Variants in MYO16 observed in about 807,000 individuals in gnomAD.
MYO16 encodes unconventional myosin-XVI.
A neutral mutation model predicts 205.3 loss-of-function variants in MYO16; 94 were observed. That is an observed-to-expected ratio of 0.46 (90% CI 0.39 to 0.54). MYO16 has a LOEUF of 0.54. MYO16 is among the 20% of genes least tolerant of loss of function. MYO16 has a pLI of 0.00. For missense variants in MYO16, 2,315 were observed against 2,387.5 expected, an observed-to-expected ratio of 0.97 and a Z score of 0.63; for synonymous variants, 988 against 954.0, an observed-to-expected ratio of 1.04 and a Z score of -0.66.
intron 2 of MYO16, among the ~76,000 whole-genome samples, chr13:108,711,073 T>G (rs7995642): frequency 0.45 from 69,139 of 151,978 alleles, 16,962 homozygotes; most frequent in Non-Finnish European, 0.56. Context: ...TCTATATATA[T>G]ATAGAGAGAA....
At chr13:108,784,946 GA>G (rs1160502338) in intron 4 of MYO16, among the ~76,000 whole-genome samples, 1 of 152,188 alleles carries the variant, frequency 6.6e-6, no homozygotes, top group Admixed American at 6.5e-5. Flanking sequence ...CCATTGTATT[GA>G]AGCTGAGAGG....
chr13:108,521,365 T>A, the MYO16 span, among the ~76,000 whole-genome samples: 1 of 152,240 alleles, frequency 6.6e-6, no homozygotes, highest in Non-Finnish European at 1.5e-5. Flanking sequence ...TATAAGATTT[T>A]ATGGTTTATT....
At chr13:108,684,794 G>A (rs1882605974) in intron 2 of MYO16, among the ~76,000 whole-genome samples, 1 of 152,168 alleles carries the variant, frequency 6.6e-6, no homozygotes, top group African/African-American at 2.4e-5. Flanking sequence ...GGTTTAGAGA[G>A]TTCCCGGATT....
the MYO16 span, among the ~76,000 whole-genome samples, chr13:108,557,654 C>T: frequency 1.3e-5 from 2 of 151,996 alleles, no homozygotes; most frequent in African/African-American, 2.4e-5. Flanking sequence ...GCATTTATTT[C>T]GTTCCTCAAC....
At position 109,141,104 on chromosome 13, in the gene MYO16, C is replaced by A. The variant is rs778460579; in HGVS notation, c.4892C>A (p.Pro1631Gln). ...PAPVNAGKAG[P>Q]SAEAPKVHPK... ...CCGGTGAACGCGGGGAAAGCGGGGC[C>A]GAGCGCAGAGGCGCCCAAGGTTCAC... is the stretch of plus-strand genomic sequence containing the variant. The change falls in exon 32 of 35, where the codon CCG (proline) becomes CAG (glutamine). Residue 1631 changes from proline to glutamine, a missense_variant. Physicochemically the swap from Pro to Gln is moderately conservative, Grantham distance 76. Around this residue, in one of 3 missense-constraint regions of MYO16, gnomAD observed 1,097 missense variants for 1,092.0 expected, o/e 1.00. Coordinates refer to ENST00000457511, the MANE Select transcript of MYO16 (RefSeq NM_001198950.3). This position sits in a 1 kb window ranked among gnomAD's most constrained non-coding sequence, Gnocchi z 4.1. 6.6e-7 allele frequency: 1 copy of A among 1,526,144 alleles called. No individual in the cohort carries two copies. Among genetic ancestry groups the A allele is most frequent in the Non-Finnish European group, 8.8e-7 (1 of 1,140,370 alleles). 94.5% of individuals were successfully genotyped at this position (1,526,144 alleles called of 1,614,324 possible).
chr13:108,790,126 A>G (rs938331149), intron 5 of MYO16, among the ~76,000 whole-genome samples: 2 of 152,176 alleles, frequency 1.3e-5, no homozygotes, highest in African/African-American at 4.8e-5. Context: ...TCCTCCCACA[A>G]CTCGGGAGAG....
intron 4 of MYO16, among the ~76,000 whole-genome samples, chr13:108,747,191 T>C (rs916681452): frequency 2.0e-5 from 3 of 152,036 alleles, no homozygotes; most frequent in Non-Finnish European, 4.4e-5. Flanking sequence ...AACAGGAAAA[T>C]TGTATAGGTC....
chr13:109,174,877 G>C (rs373904393), intron 33 of MYO16, among the ~76,000 whole-genome samples: 3 of 147,940 alleles, frequency 2.0e-5, no homozygotes, highest in African/African-American at 7.5e-5. Context: ...TCAGCCTCCC[G>C]AGTAGCTGGG....
intron 13 of MYO16, among the ~76,000 whole-genome samples, chr13:108,883,438 T>C (rs1339977780): frequency 6.6e-6 from 1 of 152,176 alleles, no homozygotes; most frequent in Non-Finnish European, 1.5e-5. Context: ...GATTTAAAGC[T>C]TAGATAAAAA....
At chr13:108,771,071 G>A (rs1885946599) in intron 4 of MYO16, among the ~76,000 whole-genome samples, 1 of 152,100 alleles carries the variant, frequency 6.6e-6, no homozygotes, top group Admixed American at 6.6e-5. Flanking sequence ...GATCTAAAGT[G>A]TATATATTTA....
intron 2 of MYO16, among the ~76,000 whole-genome samples, chr13:108,692,805 A>C (rs893069892): frequency 9.8e-5 from 15 of 152,296 alleles, no homozygotes; most frequent in African/African-American, 3.6e-4. Flanking sequence ...GTAAATTGTC[A>C]ACTTCTGAGC....
At chr13:108,955,792 A>G (rs1316646094) in intron 16 of MYO16, among the ~76,000 whole-genome samples, 2 of 152,216 alleles carry the variant, frequency 1.3e-5, no homozygotes, top group East Asian at 1.9e-4. Context: ...TGAAGGTTGC[A>G]GTGAGCCAAG....
chr13:108,532,858 G>A, the MYO16 span, among the ~76,000 whole-genome samples: 1 of 152,142 alleles, frequency 6.6e-6, no homozygotes, highest in Non-Finnish European at 1.5e-5. Context: ...CACATCTAGT[G>A]TGAAGGATTG....
At chr13:108,806,566 C>A (rs1323290754) in intron 6 of MYO16, 113 bp from the exon 7 acceptor site, 2 of 809,132 alleles carry the variant, frequency 2.5e-6, no homozygotes, top group South Asian at 2.7e-5. Flanking sequence ...TTTTTATGGT[C>A]TCTGTATTTT....
At chr13:109,041,329 C>T (rs1886877154) in intron 23 of MYO16, among the ~76,000 whole-genome samples, 1 of 152,110 alleles carries the variant, frequency 6.6e-6, no homozygotes, top group Admixed American at 6.5e-5. Context: ...GCATTCCTAT[C>T]CAAATCACAG....
intron 27 of MYO16, among the ~76,000 whole-genome samples, chr13:109,058,595 T>C (rs1887487483): frequency 1.3e-5 from 2 of 152,190 alleles, no homozygotes; most frequent in African/African-American, 4.8e-5. Context: ...TGCTAACTAA[T>C]GCTAACAATG....
the MYO16 span, among the ~76,000 whole-genome samples, chr13:108,555,729 C>A: frequency 6.6e-6 from 1 of 152,188 alleles, no homozygotes; most frequent in Non-Finnish European, 1.5e-5. Context: ...TTTTGACTGA[C>A]ATCCTCCCAA....
rs114187800 is a variant in MYO16 at position 108,952,919 on chromosome 13, G to A, written c.1926-4769G>A. ...GGTTATGTGACCATGAATCAATAATGGGGCAAAATTGGAAACTCTCAGATG... is the reference window on the plus strand; with the variant it reads ...GGTTATGTGACCATGAATCAATAATAGGGCAAAATTGGAAACTCTCAGATG... On this transcript the variant is annotated intron_variant, in intron 16 of 34. Transcript: ENST00000457511. 2.3e-3 allele frequency among the ~76,000 whole-genome samples: 354 copies of A among 152,144 alleles called. 2 individuals are homozygous for A. Among genetic ancestry groups the A allele is most frequent in the African/African-American group, 8.2e-3 (342 of 41,490 alleles).
chr13:108,829,925 C>T (rs926329450), intron 9 of MYO16, among the ~76,000 whole-genome samples: 6 of 149,890 alleles, frequency 4.0e-5, no homozygotes, highest in Non-Finnish European at 8.9e-5. Flanking sequence ...AAAAAACAAA[C>T]AACCCCATCA....
Sources: allele counts gnomAD v4.1 joint callset (sites outside exome capture counted in the v4.1 genomes callset), GRCh38; gene constraint gnomAD v4.1.1; regional missense constraint gnomAD v4.1.1; non-coding constraint Gnocchi (gnomAD v3.1); transcripts MANE v1.5; gene names NCBI Gene and HGNC (gene_info 2026-07-23, HGNC 2026-07-21).